ZNF37A: variants seen among roughly 807,000 people sequenced by gnomAD.
The protein encoded by ZNF37A is zinc finger protein 37A.
A neutral mutation model predicts 12.3 loss-of-function variants in ZNF37A; 10 were observed. That is an observed-to-expected ratio of 0.82 (90% CI 0.50 to 1.38). The LOEUF is 1.38. Ranked by LOEUF, ZNF37A falls within the 40% of genes most tolerant of loss-of-function variation. The probability of loss-of-function intolerance (pLI) is 0.00; values close to 1 mark genes in which losing one functional copy is unlikely to be tolerated. For synonymous variants in ZNF37A, 207 were observed against 223.0 expected (o/e 0.93, Z 0.64); for missense variants, 580 against 651.2 (o/e 0.89, Z 1.19).
chr10:38,127,895 A>G (rs931523309), downstream of ZNF37A, among the ~76,000 whole-genome samples: 5 of 152,236 alleles, frequency 3.3e-5, no homozygotes, highest in South Asian at 2.1e-4. Flanking sequence ...GAACAAGAAT[A>G]AGAAAGTTAC....
At chr10:38,130,352 C>T (rs2070005705), downstream of ZNF37A, among the ~76,000 whole-genome samples, 2 of 152,024 alleles carry the variant, frequency 1.3e-5, no homozygotes, top group South Asian at 2.1e-4. Flanking sequence ...GTACATATGT[C>T]TGTTCAGATC....
chr10:38,130,469 C>CT (rs1424739767), downstream of ZNF37A, among the ~76,000 whole-genome samples: 376 of 151,192 alleles, frequency 2.5e-3, 1 homozygote, highest in Non-Finnish European at 3.4e-3. Context: ...TCTTTTCTTT[C>CT]TTTTTTTTTG....
intron 5 of ZNF37A, among the ~76,000 whole-genome samples, chr10:38,099,452 C>T (rs2067389725): frequency 6.6e-6 from 1 of 152,158 alleles, no homozygotes; most frequent in Non-Finnish European, 1.5e-5. Context: ...TAGCATGTGT[C>T]AGAATTTATC....
At chr10:38,142,425 TAAAAC>T (rs1301655881) in intron 7 of ZNF37A, 2 of 152,178 alleles carry the variant, frequency 1.3e-5, no homozygotes, top group Non-Finnish European at 2.9e-5. Context: ...TAAACACTAT[TAAAAC>T]AAAATGTTTA....
At chr10:38,111,489 A>G (rs999920215) in intron 5 of ZNF37A, among the ~76,000 whole-genome samples, 5 of 152,156 alleles carry the variant, frequency 3.3e-5, no homozygotes, top group African/African-American at 1.2e-4. Context: ...AATAATAAAA[A>G]AAAAAAACTG....
downstream of ZNF37A, among the ~76,000 whole-genome samples, chr10:38,128,780 G>A (rs1431160563): frequency 6.6e-6 from 1 of 152,126 alleles, no homozygotes; most frequent in African/African-American, 2.4e-5. Context: ...TTGAGACAGA[G>A]TCTAGCTTTA....
intron 7 of ZNF37A, among the ~76,000 whole-genome samples, chr10:38,133,659 G>A (rs2136078017): frequency 6.6e-6 from 1 of 151,544 alleles, no homozygotes; most frequent in East Asian, 1.9e-4. Flanking sequence ...CCTTTTTTAT[G>A]GCTGCATATA....
rs115963763 is a variant in ZNF37A, at chr10:38,099,938, G to A, written c.15+3306G>A. On this transcript the variant is annotated intron_variant, in intron 5 of 7. Transcript: ENST00000685332. The stretch of plus-strand genomic sequence containing the variant: ...TATATCTTTTATGGTGAAATGTATT[G>A]GGGAACCTGCTCCGATAGTCACGTA... 9.5e-3 allele frequency among the ~76,000 whole-genome samples: 1,445 copies of A among 152,186 alleles called. 27 individuals carry two copies. The highest frequency in any genetic ancestry group is 0.031 in the African/African-American group (1,306 of 41,490).
chr10:38,096,750 A>G lies in ZNF37A; in HGVS notation c.15+118A>G. ...AGGGAAAATATAGAGGAGAGGTCAC[A>G]TTACATTTCATGGGTCAAATGCAGC... On this transcript the variant is annotated intron_variant, in intron 5 of 7. Transcript: ENST00000685332. 3.3e-6 allele frequency: 3 copies of G among 914,720 alleles called. No individual in the cohort carries two copies. In the South Asian group the frequency reaches 5.3e-5, roughly 16 times the overall value. The allele number at this position is 914,720 out of a possible 1,614,324, so 56.7% of individuals were successfully genotyped here.
Position 38,118,560 on chromosome 10 carries a change from A to C in ZNF37A, c.1409A>C (p.Asn470Thr). The C allele has an allele frequency of 6.2e-7, 1 of 1,606,182 alleles. No homozygotes were observed. Among genetic ancestry groups the C allele is most frequent in the Non-Finnish European group, 8.5e-7 (1 of 1,174,954 alleles). Residue 470 changes from asparagine (N) to threonine (T), a missense_variant, in exon 8 of 8, where the codon AAT (asparagine) becomes ACT (threonine). By Grantham distance (65) the Asn-to-Thr change is moderately conservative. Transcript: ENST00000685332. ...RHTGEKPFGC[N>T]ECGKTFRQKS... ...ACAGGGGAGAAACCTTTTGGATGTA[A>C]TGAATGTGGGAAAACCTTCCGTCAG...
intron 5 of ZNF37A, among the ~76,000 whole-genome samples, chr10:38,100,068 G>A (rs1213193049): frequency 6.6e-6 from 1 of 152,146 alleles, no homozygotes; most frequent in Non-Finnish European, 1.5e-5. Flanking sequence ...GACATCACAT[G>A]TCGGTAGGTT....
At chr10:38,126,190 C>A (rs2069922996), downstream of ZNF37A, among the ~76,000 whole-genome samples, 1 of 152,178 alleles carries the variant, frequency 6.6e-6, no homozygotes, top group African/African-American at 2.4e-5. Flanking sequence ...GTTTCTTTCT[C>A]AATAAACCAA....
chr10:38,146,298 C>T lies in ZNF37A; in HGVS notation c.239-434C>T, dbSNP rs373488500. Among the ~76,000 whole-genome samples, 16 of 152,104 alleles carry T rather than the reference C, an allele frequency of 1.1e-4. No homozygotes were observed. In the East Asian group the frequency reaches 1.4e-3, roughly 13 times the overall value. On this transcript the variant is annotated intron_variant, in intron 7 of 7. Coordinates refer to the ZNF37A transcript ENST00000638053. The stretch of plus-strand genomic sequence containing the variant: ...GTTTTATTTATTTATTTATTGGAGA[C>T]GGAGTTTCGCTCTTGTTGCCCAGGC...
rs2069582414 is a variant in ZNF37A, at chr10:38,119,770, T to A, written c.*933T>A. ...TAGCAAGGGGACCCACAAACAAGAG[T>A]GCTCTTGTATGTCCAGAAGAAAGAG... On this transcript the variant is annotated 3_prime_UTR_variant, in exon 8 of 8. Transcript: ENST00000685332. 2 of 152,022 alleles carry A rather than the reference T, an allele frequency of 1.3e-5. No individual in the cohort carries two copies. The highest frequency in any genetic ancestry group is 4.1e-4 in the South Asian group (2 of 4,820). The allele number at this position is 152,022 out of a possible 1,614,324, so 9.4% of individuals were successfully genotyped here.
At chr10:38,113,220 T>C (rs1771582380) in intron 5 of ZNF37A, among the ~76,000 whole-genome samples, 2 of 140,010 alleles carry the variant, frequency 1.4e-5, no homozygotes, top group Admixed American at 1.4e-4. Flanking sequence ...TTTTTTTTTT[T>C]TTTTTTTTTT....
At chr10:38,131,372 A>G (rs1369326949) in intron 7 of ZNF37A, among the ~76,000 whole-genome samples, 1 of 152,044 alleles carries the variant, frequency 6.6e-6, no homozygotes, top group Non-Finnish European at 1.5e-5. Flanking sequence ...TAATTTTTGC[A>G]TGTGTTGTAA....
intron 5 of ZNF37A, among the ~76,000 whole-genome samples, chr10:38,098,790 G>T (rs2067339206): frequency 6.6e-6 from 1 of 152,202 alleles, no homozygotes; most frequent in Non-Finnish European, 1.5e-5. Context: ...GGGCAGAATT[G>T]ACTGGTTGCA....
At chr10:38,139,781 A>G (rs534846828) in intron 7 of ZNF37A, 35 of 152,322 alleles carry the variant, frequency 2.3e-4, no homozygotes, top group Admixed American at 9.2e-4. Flanking sequence ...CTCAAAATTA[A>G]TAATTTATTG....
At chr10:38,134,547 G>T (rs2070079116) in intron 7 of ZNF37A, among the ~76,000 whole-genome samples, 1 of 152,210 alleles carries the variant, frequency 6.6e-6, no homozygotes, top group Non-Finnish European at 1.5e-5. Context: ...GTTGGAGTTT[G>T]CTGGAGGTCC....
Sources: allele counts gnomAD v4.1 joint callset (sites outside exome capture counted in the v4.1 genomes callset), GRCh38; gene constraint gnomAD v4.1.1; transcripts MANE v1.5; gene names NCBI Gene and HGNC (gene_info 2026-07-23, HGNC 2026-07-21).